RNF180: variants seen among roughly 807,000 people sequenced by gnomAD.
The protein encoded by RNF180 is E3 ubiquitin-protein ligase RNF180.
In RNF180, 38 loss-of-function variants were observed where a neutral mutation model predicts 59.2. The observed-to-expected ratio is 0.64, with a 90% CI of 0.50 to 0.84. RNF180 has a LOEUF of 0.84. Among genes scored for constraint, RNF180 ranks in the 40% least tolerant of loss-of-function variants. The pLI, the probability that RNF180 is intolerant of heterozygous loss-of-function variation, is 0.00. For synonymous variants in RNF180, 262 were observed against 240.3 expected, an observed-to-expected ratio of 1.09 and a Z score of -0.84; for missense variants, 705 against 700.9, an observed-to-expected ratio of 1.01 and a Z score of -0.07.
intron 5 of RNF180, among the ~76,000 whole-genome samples, chr5:64,323,384 T>C (rs913995710): frequency 2.0e-5 from 3 of 151,954 alleles, no homozygotes; most frequent in Non-Finnish European, 4.4e-5. Context: ...CTACTAAAAA[T>C]ACAAAGAATA....
At chr5:64,197,663 T>C (rs747896031) in intron 1 of RNF180, among the ~76,000 whole-genome samples, 4 of 152,184 alleles carry the variant, frequency 2.6e-5, no homozygotes, top group Non-Finnish European at 5.9e-5. Flanking sequence ...GAAGAACCCA[T>C]AGAGCACTTG....
At chr5:64,177,172 G>A (rs550619571) in intron 1 of RNF180, among the ~76,000 whole-genome samples, 2 of 152,240 alleles carry the variant, frequency 1.3e-5, no homozygotes, top group Non-Finnish European at 2.9e-5. Context: ...TAAGGCTGTA[G>A]AGTCAGAAAT....
intron 2 of RNF180, among the ~76,000 whole-genome samples, chr5:64,205,704 A>G (rs1464763482): frequency 6.6e-6 from 1 of 152,142 alleles, no homozygotes; most frequent in Non-Finnish European, 1.5e-5. Context: ...ATTACCATGC[A>G]GTGTATGAAT....
In RNF180 at chr5:64,213,817, G is replaced by A. The variant is rs761453705; in HGVS notation, c.491G>A (p.Arg164Lys). Residue 164 changes from arginine to lysine, a missense_variant, in exon 4 of 8, where the codon AGG becomes AAG. By Grantham distance (26) the Arg-to-Lys change is conservative. Transcript: ENST00000389100. ...GGTGGCTCTGAAAACAGAAATCACA[G>A]GCTTTTAAACATGGCCCGAAATAAT... ...TGGGSENRNHRLLNMARNNND... is the reference protein window; with the variant it reads ...TGGGSENRNHKLLNMARNNND... 2 of 1,614,106 alleles carry A rather than the reference G, an allele frequency of 1.2e-6. No individual in the cohort carries two copies. Among genetic ancestry groups the A allele is most frequent in the Admixed American group, 3.3e-5 (2 of 59,998 alleles).
chr5:64,181,710 C>T (rs1750594587), intron 1 of RNF180, among the ~76,000 whole-genome samples: 1 of 152,092 alleles, frequency 6.6e-6, no homozygotes, highest in Non-Finnish European at 1.5e-5. Context: ...TGTAATCTCG[C>T]TGTGTGTACG....
intron 7 of RNF180, among the ~76,000 whole-genome samples, chr5:64,357,148 T>A (rs1224833148): frequency 6.6e-6 from 1 of 151,882 alleles, no homozygotes; most frequent in Non-Finnish European, 1.5e-5. Flanking sequence ...TTTAACTTAT[T>A]CAATATAAAA....
intron 4 of RNF180, among the ~76,000 whole-genome samples, chr5:64,214,732 T>A (rs1020922249): frequency 6.6e-6 from 1 of 152,196 alleles, no homozygotes; most frequent in Non-Finnish European, 1.5e-5. Context: ...AGAAAAAACC[T>A]CTTTTGTGCA....
chr5:64,304,566 C>T (rs1327929062), intron 5 of RNF180, among the ~76,000 whole-genome samples: 1 of 151,548 alleles, frequency 6.6e-6, no homozygotes, highest in Middle Eastern at 3.4e-3. Flanking sequence ...TTACAAGAGA[C>T]CTAGAATTAG....
intron 7 of RNF180, among the ~76,000 whole-genome samples, chr5:64,366,007 C>T (rs1746433669): frequency 6.6e-6 from 1 of 151,190 alleles, no homozygotes; most frequent in Non-Finnish European, 1.5e-5. Context: ...GGATTTGATC[C>T]TGTTATGTTG....
chr5:64,218,859 A>G (rs988925636), intron 5 of RNF180, among the ~76,000 whole-genome samples: 4 of 152,148 alleles, frequency 2.6e-5, no homozygotes, highest in African/African-American at 9.7e-5. Context: ...TCACAATTAT[A>G]TATTGCTAAT....
At chr5:64,219,418 T>C (rs1387766002) in intron 5 of RNF180, among the ~76,000 whole-genome samples, 1 of 152,182 alleles carries the variant, frequency 6.6e-6, no homozygotes, top group Non-Finnish European at 1.5e-5. Flanking sequence ...TTGTCTCTGT[T>C]TTTTGTAATG....
At chr5:64,177,526 C>CATATAT (rs58046669) in intron 1 of RNF180, among the ~76,000 whole-genome samples, 1,493 of 104,502 alleles carry the variant, frequency 0.014, 39 homozygotes, top group Non-Finnish European at 0.019. Context: ...TAAATTATGC[C>CATATAT]ATATATATAT....
At chr5:64,174,959 CTTTTTT>C (rs370660214) in intron 1 of RNF180, among the ~76,000 whole-genome samples, 7 of 84,756 alleles carry the variant, frequency 8.3e-5, no homozygotes, top group African/African-American at 3.0e-4. Flanking sequence ...TAATCCAGTT[CTTTTTT>C]TTTTTTTTTT....
chr5:64,165,424 A>C (rs1475420159), upstream of RNF180, among the ~76,000 whole-genome samples: 1 of 152,222 alleles, frequency 6.6e-6, no homozygotes, highest in Non-Finnish European at 1.5e-5. Context: ...AACTAAACCC[A>C]GGTAGCGTTG....
At chr5:64,351,057 C>T (rs1214481972) in intron 7 of RNF180, among the ~76,000 whole-genome samples, 1 of 151,932 alleles carries the variant, frequency 6.6e-6, no homozygotes, top group Non-Finnish European at 1.5e-5. Context: ...AATGTTCTTC[C>T]ATTTGTTTGT....
At chr5:64,197,444 T>A (rs1162063715) in intron 1 of RNF180, among the ~76,000 whole-genome samples, 1 of 152,194 alleles carries the variant, frequency 6.6e-6, no homozygotes, top group Non-Finnish European at 1.5e-5. Context: ...TATTGACATT[T>A]GCACAAATAA....
intron 7 of RNF180, among the ~76,000 whole-genome samples, chr5:64,347,411 C>G (rs1745598277): frequency 6.6e-6 from 1 of 152,142 alleles, no homozygotes; most frequent in African/African-American, 2.4e-5. Flanking sequence ...TTACAACTAT[C>G]TGGAGAAGAG....
At chr5:64,275,544 T>A (rs902414742) in intron 5 of RNF180, among the ~76,000 whole-genome samples, 1 of 151,742 alleles carries the variant, frequency 6.6e-6, no homozygotes, top group African/African-American at 2.4e-5. Context: ...TACTTTTAAT[T>A]AAGTTATTTA....
chr5:64,323,355 A>T (rs1443495238), intron 5 of RNF180, among the ~76,000 whole-genome samples: 1 of 152,182 alleles, frequency 6.6e-6, no homozygotes, highest in Non-Finnish European at 1.5e-5. Flanking sequence ...AGCCTGGCCA[A>T]CATGATGAAA....
Sources: gnomAD v4.1 joint callset for allele counts (sites outside exome capture counted in the v4.1 genomes callset) on GRCh38, gnomAD v4.1.1 for gene constraint, MANE v1.5 for transcripts, NCBI Gene and HGNC (gene_info 2026-07-23, HGNC 2026-07-21) for gene names.